Variants in CSTPP1 observed in about 807,000 individuals in gnomAD.
The protein encoded by CSTPP1 is UPF0705 protein C11orf49.
chr11:47,002,159 C>T, the CSTPP1 span, among the ~76,000 whole-genome samples: 1 of 149,642 alleles, frequency 6.7e-6, no homozygotes, highest in African/African-American at 2.5e-5. Context: ...TTCTCATTGT[C>T]AGCATCTGGT....
chr11:46,960,222 A>C, the CSTPP1 span, among the ~76,000 whole-genome samples: 8 of 151,146 alleles, frequency 5.3e-5, no homozygotes, highest in South Asian at 1.7e-3. Context: ...CTGATCTTGA[A>C]CTCCTGGGCT....
chr11:46,936,904 C>A, the CSTPP1 span: 1 of 1,452,824 alleles, frequency 6.9e-7, no homozygotes, highest in Non-Finnish European at 9.1e-7. Flanking sequence ...CGAATTAGGC[C>A]AGGGTCTGGG....
At chr11:47,104,442 C>G in the CSTPP1 span, among the ~76,000 whole-genome samples, 1 of 152,200 alleles carries the variant, frequency 6.6e-6, no homozygotes, top group Non-Finnish European at 1.5e-5. Flanking sequence ...TCTCTCTCCC[C>G]CATTACATTG....
At chr11:46,981,653 G>C in the CSTPP1 span, among the ~76,000 whole-genome samples, 2 of 152,082 alleles carry the variant, frequency 1.3e-5, no homozygotes, top group Non-Finnish European at 2.9e-5. Flanking sequence ...TTGAGAGGTA[G>C]TGGGGTGAAT....
At chr11:47,139,365 G>A in the CSTPP1 span, among the ~76,000 whole-genome samples, 9 of 152,144 alleles carry the variant, frequency 5.9e-5, no homozygotes, top group Non-Finnish European at 1.0e-4. Context: ...AGAGGGTTGC[G>A]GTTGGAGACC....
chr11:47,016,377 C>T, the CSTPP1 span, among the ~76,000 whole-genome samples: 4 of 133,618 alleles, frequency 3.0e-5, no homozygotes, highest in Non-Finnish European at 6.5e-5. Context: ...TATAGAAAAG[C>T]CTATGGAATC....
the CSTPP1 span, among the ~76,000 whole-genome samples, chr11:47,036,087 TTATATTA>T: frequency 3.4e-3 from 51 of 15,132 alleles, 9 homozygotes; most frequent in South Asian, 9.7e-3. Context: ...ATTATATATA[TTATATTA>T]TATATTATAT....
the CSTPP1 span, among the ~76,000 whole-genome samples, chr11:47,036,667 T>TTTTGC: frequency 8.2e-6 from 1 of 122,008 alleles, no homozygotes; most frequent in African/African-American, 2.6e-5. Flanking sequence ...CATAGATTTG[T>TTTTGC]TTTGTTTTGT....
At chr11:46,974,520 CT>C in the CSTPP1 span, among the ~76,000 whole-genome samples, 7 of 104,988 alleles carry the variant, frequency 6.7e-5, no homozygotes, top group African/African-American at 1.1e-4. Flanking sequence ...GAGCGAGACT[CT>C]GTCTCAAAAA....
chr11:46,949,022 C>G, the CSTPP1 span, among the ~76,000 whole-genome samples: 1 of 152,028 alleles, frequency 6.6e-6, no homozygotes, highest in African/African-American at 2.4e-5. Flanking sequence ...CAGCATTTCA[C>G]CTATAAAAGT....
chr11:46,966,862 G>A, the CSTPP1 span, among the ~76,000 whole-genome samples: 1 of 152,144 alleles, frequency 6.6e-6, no homozygotes, highest in South Asian at 2.1e-4. Context: ...AACAAAATAT[G>A]CAAACTGGGG....
the CSTPP1 span, among the ~76,000 whole-genome samples, chr11:47,067,416 C>G: frequency 1.1e-4 from 16 of 152,152 alleles, no homozygotes; most frequent in East Asian, 1.5e-3. Flanking sequence ...TCTGCCCCCC[C>G]CAAATTCCCA....
the CSTPP1 span, among the ~76,000 whole-genome samples, chr11:46,964,272 G>A: frequency 6.7e-6 from 1 of 149,972 alleles, no homozygotes; most frequent in African/African-American, 2.5e-5. Context: ...AATTCACAGT[G>A]TCTTCTCTCT....
chr11:47,157,166 G>T, the CSTPP1 span: 2 of 1,611,522 alleles, frequency 1.2e-6, no homozygotes, highest in Admixed American at 3.4e-5. Flanking sequence ...GGGCGTGGAG[G>T]CGTCGCTGTT....
chr11:46,963,329 T>C, the CSTPP1 span, among the ~76,000 whole-genome samples: 2 of 151,958 alleles, frequency 1.3e-5, no homozygotes, highest in South Asian at 4.1e-4. Flanking sequence ...TTTAGCTTTT[T>C]TTTTTTTTTT....
At chr11:47,053,561 C>T in the CSTPP1 span, among the ~76,000 whole-genome samples, 2 of 148,400 alleles carry the variant, frequency 1.3e-5, no homozygotes, top group African/African-American at 2.5e-5. Context: ...CAGAGGTTGC[C>T]GTGAGCCGAG....
the CSTPP1 span, among the ~76,000 whole-genome samples, chr11:46,983,667 C>G: frequency 6.6e-6 from 1 of 152,144 alleles, no homozygotes. Context: ...AAATGACACT[C>G]TCCGTGTTTT....
chr11:47,052,623 C>G, the CSTPP1 span: 1 of 1,412,768 alleles, frequency 7.1e-7, no homozygotes, highest in African/African-American at 1.5e-5. Flanking sequence ...TCCTCTCTTT[C>G]TCTTTCAAAC....
At chr11:47,035,914 A>C in the CSTPP1 span, among the ~76,000 whole-genome samples, 1 of 150,924 alleles carries the variant, frequency 6.6e-6, no homozygotes, top group Non-Finnish European at 1.5e-5. Flanking sequence ...CATGCTGTTC[A>C]AAGGTCAACT....
Sources: allele counts gnomAD v4.1 joint callset (sites outside exome capture counted in the v4.1 genomes callset), GRCh38; gene constraint gnomAD v4.1.1; transcripts MANE v1.5; gene names NCBI Gene and HGNC (gene_info 2026-07-23, HGNC 2026-07-21).